Variants in KLHL30 observed in about 807,000 individuals in gnomAD.
KLHL30 encodes kelch-like protein 30.
A neutral mutation model predicts 55.0 loss-of-function variants in KLHL30; 55 were observed. The observed-to-expected ratio is 1.00, with a 90% CI of 0.80 to 1.25. The LOEUF is 1.25. KLHL30 is among the 50% of genes most tolerant of loss of function. The pLI, the probability that KLHL30 is intolerant of heterozygous loss-of-function variation, is 0.00. For missense variants in KLHL30, 786 were observed against 811.6 expected (o/e 0.97, Z 0.38); for synonymous variants, 356 against 372.6 (o/e 0.96, Z 0.51).
rs559564110 is a variant in KLHL30, at chr2:238,150,842, A to G, written c.1514A>G (p.Asn505Ser). ...KVQSQHSLHENGALVPLGDAL... is the reference protein window; with the variant it reads ...KVQSQHSLHESGALVPLGDAL... ...CAGTCACAGCACAGCCTGCATGAGA[A>G]TGGCGCGCTGGTGCCACTGGGTGAT... is the stretch of plus-strand genomic sequence containing the variant. The change falls in exon 8 of 8, where the codon AAT becomes AGT. Residue 505 changes from asparagine (N) to serine (S), a missense_variant. By Grantham distance (46) the Asn-to-Ser change is conservative. Transcript: ENST00000409223. 3.1e-6 allele frequency: 5 copies of G among 1,590,350 alleles called. No homozygotes were observed. In the Admixed American group the frequency reaches 7.1e-5, roughly 22 times the overall value.
chr2:238,141,378 G>A lies in KLHL30; in HGVS notation c.624G>A (p.Pro208=), dbSNP rs745466891. Residue 208 remains proline (P), a synonymous_variant, in exon 2 of 8, where the codon CCG becomes CCA. Coordinates refer to ENST00000409223, the MANE Select transcript of KLHL30 (RefSeq NM_198582.4). ...EALMRWVRHD[P]QARAAHLPEL... Reference sequence around the variant, plus strand: ...TGATGCGCTGGGTGCGCCATGACCCGCAGGCCCGGGCCGCCCACCTGCCCG... The same window carrying A: ...TGATGCGCTGGGTGCGCCATGACCCACAGGCCCGGGCCGCCCACCTGCCCG... The A allele has an allele frequency of 1.8e-5, 28 of 1,594,534 alleles. No individual in the cohort carries two copies. The highest frequency in any genetic ancestry group is 5.6e-5 in the South Asian group (5 of 89,822).
Position 238,151,250 on chromosome 2 carries a change from A to G in KLHL30, c.*185A>G. 1.2e-6 allele frequency: 1 copy of G among 800,596 alleles called. No homozygotes were observed. Among genetic ancestry groups the G allele is most frequent in the Non-Finnish European group, 1.9e-6 (1 of 519,036 alleles). The allele number at this position is 800,596 out of a possible 1,614,324, so 49.6% of individuals were successfully genotyped here. On this transcript the variant is annotated 3_prime_UTR_variant, in exon 8 of 8. Transcript: ENST00000409223. ...CACAGCCTTGGTCTCTGTGGCCACC[A>G]CACTAAACTCTGAGCTGAGCAGTGA...
intron 1 of KLHL30, among the ~76,000 whole-genome samples, chr2:238,139,710 A>G (rs1692496900): frequency 6.6e-6 from 1 of 152,022 alleles, no homozygotes; most frequent in Non-Finnish European, 1.5e-5. Context: ...GTACCTGTGG[A>G]CGCGCGGCCG....
chr2:238,141,091 C>A lies in KLHL30; in HGVS notation c.337C>A (p.Leu113Met). Residue 113 changes from leucine to methionine, a missense_variant, in exon 2 of 8, where the codon CTG becomes ATG. Leu to Met is a conservative substitution (Grantham distance 15). Coordinates refer to ENST00000409223, the MANE Select transcript of KLHL30 (RefSeq NM_198582.4). ...VEALTRTAAR[L>M]HFPSVQKVCG... The stretch of plus-strand genomic sequence containing the variant: ...GGCGCTGACACGCACGGCTGCGCGC[C>A]TGCACTTCCCCTCGGTGCAGAAGGT... 4 of 1,608,692 alleles carry A rather than the reference C, an allele frequency of 2.5e-6. No homozygotes were observed. Among genetic ancestry groups the A allele is most frequent in the Non-Finnish European group, 3.4e-6 (4 of 1,176,726 alleles).
rs751470475 is a variant in KLHL30 at position 238,151,604 on chromosome 2, G to A, written c.*539G>A. ...CTCCCCTCTCTGGGCTTCAAGCTCC[G>A]CGTCCACCACACACGGGGCTGGCTG... On this transcript the variant is annotated 3_prime_UTR_variant, in exon 8 of 8. Coordinates refer to ENST00000409223, the MANE Select transcript of KLHL30 (RefSeq NM_198582.4). 1.9e-5 allele frequency: 3 copies of A among 159,834 alleles called. No homozygotes were observed. The highest frequency in any genetic ancestry group is 1.9e-4 in the South Asian group (1 of 5,322). The allele number at this position is 159,834 out of a possible 1,614,324, so 9.9% of individuals were successfully genotyped here.
chr2:238,144,897 G>T lies in KLHL30; in HGVS notation c.908-5G>T. The T allele has an allele frequency of 6.2e-7, 1 of 1,606,158 alleles. No homozygotes were observed. The highest frequency in any genetic ancestry group is 1.7e-5 in the Admixed American group (1 of 59,254). On this transcript the variant is annotated splice_region_variant and splice_polypyrimidine_tract_variant and intron_variant, in intron 3 of 7. Coordinates refer to ENST00000409223, the MANE Select transcript of KLHL30 (RefSeq NM_198582.4). ...CTGACCCTTCTGCCTCTCTCTTCCT[G>T]CCAGAGAGGTGGATGGCACTTCCAG...
At position 238,144,982 on chromosome 2, in the gene KLHL30, G is replaced by A. The variant is rs575535739; in HGVS notation, c.988G>A (p.Val330Ile). The change falls in exon 4 of 8, where the codon GTC becomes ATC. Residue 330 changes from valine (V) to isoleucine (I), a missense_variant. Transcript: ENST00000409223. ...SLAALNNNIYVTGGSRGTKTD... is the reference protein window; with the variant it reads ...SLAALNNNIYITGGSRGTKTD... ...GGCGGCCCTGAACAACAACATCTAT[G>A]TCACAGGTGGGCAGCTCGGGGACCC... 297 of 1,603,632 alleles carry A rather than the reference G, an allele frequency of 1.9e-4. 5 individuals carry two copies. In the South Asian group the frequency reaches 3.2e-3, roughly 17 times the overall value.
rs983308946 is a variant in KLHL30, at chr2:238,142,789, C to T, written c.775-10C>T. The T allele has an allele frequency of 2.2e-6, 3 of 1,385,786 alleles. No homozygotes were observed. The Admixed American group carries it at 1.1e-4, about 51-fold the overall frequency. The allele number at this position is 1,385,786 out of a possible 1,614,324, so 85.8% of individuals were successfully genotyped here. On this transcript the variant is annotated splice_polypyrimidine_tract_variant and intron_variant, in intron 2 of 7. Coordinates refer to ENST00000409223, the MANE Select transcript of KLHL30 (RefSeq NM_198582.4). ...TGCTGTTGCCCTGACCCTGGCCTCC[C>T]ACCCCACAGGCACCACTCGCCCTCC...
At position 238,147,963 on chromosome 2, in the gene KLHL30, T is replaced by G; in HGVS notation, c.1280T>G (p.Val427Gly). ...AAGCRGRLYL[V>G]GSSACKYNAL... ...GGCTGCCGGGGCCGGCTCTACCTGG[T>G]GGGCTCCAGCGCCTGCAAGTACAAC... Residue 427 changes from valine (V) to glycine (G), a missense_variant, in exon 6 of 8, where the codon GTG becomes GGG. Val to Gly is a moderately radical substitution (Grantham distance 109). Coordinates refer to ENST00000409223, the MANE Select transcript of KLHL30 (RefSeq NM_198582.4). This position sits in a 1 kb window ranked among gnomAD's most constrained non-coding sequence, Gnocchi z 5.8. The G allele has an allele frequency of 6.4e-7, 1 of 1,571,910 alleles. No individual in the cohort carries two copies. The highest frequency in any genetic ancestry group is 1.2e-5 in the South Asian group (1 of 84,812).
intron 5 of KLHL30, among the ~76,000 whole-genome samples, chr2:238,146,734 T>A (rs1175181824): frequency 6.7e-6 from 1 of 149,238 alleles, no homozygotes; most frequent in African/African-American, 2.5e-5. Context: ...TAAAAAAAAA[T>A]AGCCAGGCCA....
At chr2:238,150,393 A>G (rs1465033950) in intron 7 of KLHL30, among the ~76,000 whole-genome samples, 1 of 152,192 alleles carries the variant, frequency 6.6e-6, no homozygotes, top group East Asian at 1.9e-4. Context: ...CCATAGACTG[A>G]GCAGGGGGTG....
rs1419008807 is a variant in KLHL30 at position 238,141,366 on chromosome 2, G to A, written c.612G>A (p.Val204=). 2 of 1,597,972 alleles carry A rather than the reference G, an allele frequency of 1.3e-6. No individual in the cohort carries two copies. The highest frequency in any genetic ancestry group is 2.2e-5 in the East Asian group (1 of 44,754). The change falls in exon 2 of 8, where the codon GTG becomes GTA. Residue 204 remains valine, a synonymous_variant. Transcript: ENST00000409223. ...QSRLEALMRW[V]RHDPQARAAH... ...GACTCGAGGCCCTGATGCGCTGGGT[G>A]CGCCATGACCCGCAGGCCCGGGCCG...
Position 238,149,088 on chromosome 2 carries a change from A to C in KLHL30, c.1421A>C (p.Tyr474Ser), listed in dbSNP as rs772104445. The C allele has an allele frequency of 1.2e-6, 2 of 1,613,040 alleles. No homozygotes were observed. Among genetic ancestry groups the C allele is most frequent in the Non-Finnish European group, 1.7e-6 (2 of 1,179,812 alleles). ...TGTGCTGCACTGCACGGGGAGCTCT[A>C]CCTCATTGGGGACAACACCAAGAAG... ...PRCAALHGEL[Y>S]LIGDNTKKVY... The change falls in exon 7 of 8, where the codon TAC becomes TCC. Residue 474 changes from tyrosine (Y) to serine (S), a missense_variant. Coordinates refer to ENST00000409223, the MANE Select transcript of KLHL30 (RefSeq NM_198582.4).
At chr2:238,145,077 G>C (rs1191490790) in intron 4 of KLHL30, 89 bp downstream of exon 4, 1 of 1,090,770 alleles carries the variant, frequency 9.2e-7, no homozygotes, top group East Asian at 2.6e-5. Context: ...GGGTCCCTGA[G>C]GGTTAGTCAA....
Position 238,152,763 on chromosome 2 carries a change from A to G in KLHL30, c.*1698A>G, listed in dbSNP as rs1475431561. 6.6e-6 allele frequency: 1 copy of G among 152,216 alleles called. No individual in the cohort carries two copies. Among genetic ancestry groups the G allele is most frequent in the African/African-American group, 2.4e-5 (1 of 41,440 alleles). 9.4% of individuals were successfully genotyped at this position (152,216 alleles called of 1,614,324 possible). On this transcript the variant is annotated 3_prime_UTR_variant, in exon 8 of 8. Coordinates refer to ENST00000409223, the MANE Select transcript of KLHL30 (RefSeq NM_198582.4). ...CTTCGGTGGCAGATGGATTGGATGA[A>G]GCAAGGGTGAGGGTTTCTGGGGCCC...
At chr2:238,143,062 G>A (rs750662572) in intron 3 of KLHL30, 131 bp downstream of exon 3, 4 of 1,189,074 alleles carry the variant, frequency 3.4e-6, no homozygotes, top group Middle Eastern at 3.0e-4. Flanking sequence ...CCTGTGAGGG[G>A]CGTGCCTGGG....
At position 238,151,942 on chromosome 2, in the gene KLHL30, GC is replaced by G. The variant is rs1559278767; in HGVS notation, c.*881del. ...GAGGGTGAGGGGTAGCATCCGATGG[GC>G]CCCTGCCAGCATGCAGCCCGACTCC... On this transcript the variant is annotated 3_prime_UTR_variant, in exon 8 of 8. Coordinates refer to ENST00000409223, the MANE Select transcript of KLHL30 (RefSeq NM_198582.4). The G allele has an allele frequency of 1.0e-6, 1 of 985,310 alleles. No homozygotes were observed. Among genetic ancestry groups the G allele is most frequent in the Non-Finnish European group, 1.2e-6 (1 of 829,954 alleles). 61.0% of individuals were successfully genotyped at this position (985,310 alleles called of 1,614,324 possible).
At chr2:238,139,460 G>A (rs1692490794) in intron 1 of KLHL30, among the ~76,000 whole-genome samples, 2 of 152,194 alleles carry the variant, frequency 1.3e-5, no homozygotes, top group South Asian at 4.1e-4. Context: ...TGGGGTGTGG[G>A]GCCCCGGCCA....
intron 3 of KLHL30, among the ~76,000 whole-genome samples, chr2:238,144,436 C>CAGGAAGGAAGGAAGGA (rs1692609746): frequency 1.3e-5 from 1 of 78,456 alleles, no homozygotes; most frequent in Non-Finnish European, 2.7e-5. Flanking sequence ...GGAAGGAAGG[C>CAGGAAGGAAGGAAGGA]AGGCAGGCAG....
Sources: allele counts gnomAD v4.1 joint callset (sites outside exome capture counted in the v4.1 genomes callset), GRCh38; gene constraint gnomAD v4.1.1; non-coding constraint Gnocchi (gnomAD v3.1); transcripts MANE v1.5; gene names NCBI Gene and HGNC (gene_info 2026-07-23, HGNC 2026-07-21).